Variants in CHRM3 observed in about 807,000 individuals in gnomAD.
The protein encoded by CHRM3 is cholinergic receptor muscarinic 3.
In CHRM3, 11 loss-of-function variants were observed where a neutral mutation model predicts 41.8. That is an observed-to-expected ratio of 0.26 (90% CI 0.17 to 0.44). The LOEUF is 0.44. CHRM3 is among the 20% of genes least tolerant of loss of function. The pLI, the probability that CHRM3 is intolerant of heterozygous loss-of-function variation, is 1.00. For missense variants in CHRM3, 571 were observed against 745.4 expected, an observed-to-expected ratio of 0.77 and a Z score of 2.72; for synonymous variants, 297 against 301.4, an observed-to-expected ratio of 0.99 and a Z score of 0.15.
Position 239,386,984 on chromosome 1 carries a change from G to A in CHRM3, c.-764G>A, listed in dbSNP as rs1403535928. ...TCTCAGACCCCGGAGCGCACACCGC[G>A]GGGCCATCGGTGCCATCGCGGATCT... On this transcript the variant is annotated 5_prime_UTR_variant, in exon 1 of 7. Coordinates refer to ENST00000676153, the MANE Select transcript of CHRM3 (RefSeq NM_001375978.1). 6.6e-6 allele frequency: 1 copy of A among 152,104 alleles called. No homozygotes were observed. The highest frequency in any genetic ancestry group is 2.4e-5 in the African/African-American group (1 of 41,444). The allele number at this position is 152,104 out of a possible 1,614,324, so 9.4% of individuals were successfully genotyped here.
At chr1:239,529,609 C>CAAAAAAAAAAA (rs74990447) in intron 2 of CHRM3, among the ~76,000 whole-genome samples, 5 of 110,836 alleles carry the variant, frequency 4.5e-5, no homozygotes, top group East Asian at 3.0e-4. Flanking sequence ...GACTCCGTCT[C>CAAAAAAAAAAA]AAAAAAAAAA....
At chr1:239,736,388 AAATAAT>A (rs77665012) in intron 5 of CHRM3, among the ~76,000 whole-genome samples, 6,387 of 151,682 alleles carry the variant, frequency 0.042, 224 homozygotes, top group African/African-American at 0.082. Flanking sequence ...ATCAATAACC[AAATAAT>A]AATAATAATA....
At chr1:239,587,235 C>T (rs930436458) in intron 3 of CHRM3, among the ~76,000 whole-genome samples, 3 of 152,196 alleles carry the variant, frequency 2.0e-5, no homozygotes, top group Admixed American at 2.0e-4. Context: ...TCTTGCAGAT[C>T]CACGTACTTG....
chr1:239,781,634 C>A (rs959971568), intron 5 of CHRM3, among the ~76,000 whole-genome samples: 2 of 152,074 alleles, frequency 1.3e-5, no homozygotes, highest in African/African-American at 2.4e-5. Context: ...ATTGCATTAG[C>A]TGGAACTTCC....
chr1:239,894,496 G>A (rs764283201), intron 6 of CHRM3, among the ~76,000 whole-genome samples: 6 of 151,922 alleles, frequency 3.9e-5, no homozygotes, highest in East Asian at 3.9e-4. Context: ...GCAGTAGCAC[G>A]ATCTCAGCTC....
intron 3 of CHRM3, among the ~76,000 whole-genome samples, chr1:239,566,642 G>C (rs1661386148): frequency 6.6e-6 from 1 of 152,060 alleles, no homozygotes; most frequent in South Asian, 2.1e-4. Flanking sequence ...CAAATGCTTT[G>C]GGTCATTAAT....
At chr1:239,900,293 G>A (rs1679420247) in intron 6 of CHRM3, among the ~76,000 whole-genome samples, 1 of 151,604 alleles carries the variant, frequency 6.6e-6, no homozygotes, top group Non-Finnish European at 1.5e-5. Flanking sequence ...TTCTCAGGAA[G>A]TTACATATTA....
chr1:239,514,533 T>A (rs567210695), intron 2 of CHRM3, among the ~76,000 whole-genome samples: 35 of 151,814 alleles, frequency 2.3e-4, no homozygotes, highest in Admixed American at 1.3e-3. Flanking sequence ...TACTGGATTT[T>A]CTACATAGAA....
intron 5 of CHRM3, among the ~76,000 whole-genome samples, chr1:239,816,730 G>GTTT (rs1310744004): frequency 9.8e-6 from 1 of 101,728 alleles, no homozygotes. Context: ...CTGTGCCTCA[G>GTTT]TCTTTTTTTT....
intron 6 of CHRM3, among the ~76,000 whole-genome samples, chr1:239,850,308 C>G (rs1674596080): frequency 6.6e-6 from 1 of 152,082 alleles, no homozygotes; most frequent in Admixed American, 6.6e-5. Context: ...GATCTTCATC[C>G]TCATTGTTTT....
At chr1:239,778,067 T>A (rs1572262335) in intron 5 of CHRM3, among the ~76,000 whole-genome samples, 1 of 152,186 alleles carries the variant, frequency 6.6e-6, no homozygotes, top group South Asian at 2.1e-4. Flanking sequence ...CTAAAGAACT[T>A]ATCCATGTAA....
At chr1:239,712,485 C>T (rs1435398798) in intron 5 of CHRM3, among the ~76,000 whole-genome samples, 1 of 152,168 alleles carries the variant, frequency 6.6e-6, no homozygotes, top group Non-Finnish European at 1.5e-5. Context: ...CTTATGCTAG[C>T]AGAAGTATGT....
intron 4 of CHRM3, among the ~76,000 whole-genome samples, chr1:239,640,764 C>T (rs1316573235): frequency 6.6e-6 from 1 of 150,404 alleles, no homozygotes; most frequent in African/African-American, 2.5e-5. Context: ...TCTCTATTTC[C>T]TTCAGTTCTG....
chr1:239,890,885 T>A (rs1678498818), intron 6 of CHRM3, among the ~76,000 whole-genome samples: 1 of 152,182 alleles, frequency 6.6e-6, no homozygotes, highest in African/African-American at 2.4e-5. Context: ...GTTTGATGCA[T>A]GTTATCATCA....
Position 239,857,811 on chromosome 1 carries a change from G to A in CHRM3, c.-20+30433G>A, listed in dbSNP as rs116290248. Among the ~76,000 whole-genome samples the A allele has an allele frequency of 4.6e-3, 696 of 152,168 alleles. 5 individuals are homozygous for A. Among genetic ancestry groups the A allele is most frequent in the African/African-American group, 0.016 (654 of 41,508 alleles). ...GCACAAAGGTTAAAATAATTTGTTA[G>A]CCAACAAAGTGTTTGTGCAATTACC... On this transcript the variant is annotated intron_variant, in intron 6 of 6. Coordinates refer to ENST00000676153, the MANE Select transcript of CHRM3 (RefSeq NM_001375978.1).
At chr1:239,877,214 T>C (rs1176271565) in intron 6 of CHRM3, among the ~76,000 whole-genome samples, 1 of 152,224 alleles carries the variant, frequency 6.6e-6, no homozygotes, top group African/African-American at 2.4e-5. Flanking sequence ...AAAGTTTTTT[T>C]ATTTTGAAAT....
intron 1 of CHRM3, among the ~76,000 whole-genome samples, chr1:239,428,719 A>C (rs1662593198): frequency 6.6e-6 from 1 of 152,228 alleles, no homozygotes; most frequent in Non-Finnish European, 1.5e-5. Flanking sequence ...CAACTTCATT[A>C]ACCAAACAAC....
intron 6 of CHRM3, among the ~76,000 whole-genome samples, chr1:239,830,183 C>T (rs1030011654): frequency 1.3e-5 from 2 of 152,132 alleles, no homozygotes; most frequent in Admixed American, 1.3e-4. Flanking sequence ...TCTTTCTGAG[C>T]TTATATTCAT....
intron 5 of CHRM3, among the ~76,000 whole-genome samples, chr1:239,801,607 C>T (rs983648212): frequency 1.2e-4 from 19 of 152,156 alleles, no homozygotes; most frequent in Admixed American, 1.2e-3. Flanking sequence ...TCAATACTTT[C>T]TCACAAATAT....
Sources: allele counts gnomAD v4.1 joint callset (sites outside exome capture counted in the v4.1 genomes callset), GRCh38; gene constraint gnomAD v4.1.1; transcripts MANE v1.5; gene names NCBI Gene and HGNC (gene_info 2026-07-23, HGNC 2026-07-21).